The following ATXN7L1 variants were observed in gnomAD, a reference collection of about 807,000 sequenced individuals.
The protein encoded by ATXN7L1 is ataxin-7-like protein 1.
A neutral mutation model predicts 70.8 loss-of-function variants in ATXN7L1; 15 were observed. The observed-to-expected ratio is 0.21, with a 90% CI of 0.14 to 0.33. The LOEUF (loss-of-function observed/expected upper bound fraction) is 0.33. Among genes scored for constraint, ATXN7L1 ranks in the 10% least tolerant of loss-of-function variants. ATXN7L1 has a pLI of 1.00. For missense variants in ATXN7L1, 975 were observed against 1,097.1 expected (o/e 0.89, Z 1.57); for synonymous variants, 440 against 445.1 (o/e 0.99, Z 0.14).
At chr7:105,739,674 T>C (rs1211461017) in intron 3 of ATXN7L1, among the ~76,000 whole-genome samples, 1 of 152,212 alleles carries the variant, frequency 6.6e-6, no homozygotes, top group Non-Finnish European at 1.5e-5. Context: ...GATCAGAGGT[T>C]CATGAAACTC....
At chr7:105,714,920 C>T (rs1220792943) in intron 3 of ATXN7L1, among the ~76,000 whole-genome samples, 1 of 152,118 alleles carries the variant, frequency 6.6e-6, no homozygotes, top group Admixed American at 6.5e-5. Flanking sequence ...CTGCCTCAGC[C>T]CCACTGGATA....
intron 3 of ATXN7L1, among the ~76,000 whole-genome samples, chr7:105,733,943 TC>T (rs1797096999): frequency 6.7e-6 from 1 of 148,936 alleles, no homozygotes; most frequent in African/African-American, 2.5e-5. Context: ...CATCCATCCA[TC>T]CATCCATCCA....
At chr7:105,748,396 C>T (rs1798824296) in intron 3 of ATXN7L1, among the ~76,000 whole-genome samples, 1 of 152,144 alleles carries the variant, frequency 6.6e-6, no homozygotes, top group Non-Finnish European at 1.5e-5. Flanking sequence ...TCCCGAGTTG[C>T]TCTACTGCAA....
intron 3 of ATXN7L1, among the ~76,000 whole-genome samples, chr7:105,739,224 C>T (rs147854652): frequency 2.0e-5 from 3 of 152,298 alleles, no homozygotes; most frequent in East Asian, 1.9e-4. Context: ...CCATTAATCA[C>T]GCTTTTTGCC....
chr7:105,749,559 G>A (rs1049571153), intron 3 of ATXN7L1, among the ~76,000 whole-genome samples: 2 of 151,402 alleles, frequency 1.3e-5, no homozygotes, highest in African/African-American at 4.8e-5. Context: ...AGGAGGCAGA[G>A]GTTGCAGTGA....
chr7:105,788,269 G>T (rs1804616165), intron 3 of ATXN7L1: 2 of 240,968 alleles, frequency 8.3e-6, no homozygotes, highest in Non-Finnish European at 1.7e-5. Flanking sequence ...GGGAGAAAAT[G>T]TCTGGCTGCA....
intron 3 of ATXN7L1, among the ~76,000 whole-genome samples, chr7:105,774,500 T>C (rs557958438): frequency 2.1e-3 from 312 of 152,076 alleles, no homozygotes; most frequent in African/African-American, 7.2e-3. Context: ...AACAGATGTG[T>C]GCTACCACAC....
At chr7:105,794,426 C>T (rs1040584588) in intron 2 of ATXN7L1, among the ~76,000 whole-genome samples, 14 of 152,180 alleles carry the variant, frequency 9.2e-5, no homozygotes, top group Non-Finnish European at 1.5e-4. Context: ...AGTATTTACA[C>T]GATGGAAATC....
At chr7:105,682,376 T>C (rs969510123) in intron 3 of ATXN7L1, among the ~76,000 whole-genome samples, 4 of 152,244 alleles carry the variant, frequency 2.6e-5, no homozygotes, top group South Asian at 2.1e-4. Flanking sequence ...AATTTTTTAA[T>C]AAAAAAGTTA....
At chr7:105,651,416 C>A (rs779881002) in intron 4 of ATXN7L1, among the ~76,000 whole-genome samples, 42 of 152,200 alleles carry the variant, frequency 2.8e-4, no homozygotes, top group Non-Finnish European at 5.4e-4. Context: ...TCCACCGATA[C>A]TTGAAAGGTA....
Position 105,624,106 on chromosome 7 carries a change from T to G in ATXN7L1, c.1364A>C (p.Gln455Pro). 3.3e-6 allele frequency: 5 copies of G among 1,506,402 alleles called. No homozygotes were observed. Among genetic ancestry groups the G allele is most frequent in the Non-Finnish European group, 3.6e-6 (4 of 1,120,954 alleles). 93.3% of individuals were successfully genotyped at this position (1,506,402 alleles called of 1,614,324 possible). ...AGGTCTGGGGTGGTGCGTGGAGAAC[T>G]GACAGTCTAGCTTCTCGGATTCGTC... ...GADESEKLDC[Q>P]FSTHHPRPLA... The change falls in exon 8 of 12, where the codon CAG becomes CCG. Residue 455 changes from glutamine to proline, a missense_variant. Gln to Pro is a moderately conservative substitution (Grantham distance 76). This residue lies in a region of ATXN7L1 where 635 missense variants were observed against 699.4 expected (regional missense o/e 0.91). Transcript: ENST00000419735.
intron 3 of ATXN7L1, among the ~76,000 whole-genome samples, chr7:105,701,806 G>C (rs1376747678): frequency 1.3e-5 from 2 of 152,206 alleles, no homozygotes; most frequent in African/African-American, 4.8e-5. Flanking sequence ...CTGGGCTCAA[G>C]TGATCCTCCT....
At position 105,655,454 on chromosome 7, in the gene ATXN7L1, A is replaced by T. The variant is rs1329628756; in HGVS notation, c.578+9612T>A. The stretch of plus-strand genomic sequence containing the variant: ...CACTCTGGGGGGGTGTGTGGGGTGG[A>T]CAGGAGGATGGGCAGAGTGAGGGGC... On this transcript the variant is annotated intron_variant, in intron 4 of 11. Transcript: ENST00000419735. 9.2e-5 allele frequency among the ~76,000 whole-genome samples: 14 copies of T among 152,244 alleles called. No individual in the cohort carries two copies. The East Asian group carries it at 2.3e-3, about 25-fold the overall frequency.
chr7:105,607,826 G>T lies in ATXN7L1; in HGVS notation c.*26C>A, dbSNP rs762312679. Reference sequence around the variant, plus strand: ...GGATGGGATTAGGTGGCCTGGAATTGATGTGGAAGTGGCTTCATAGTCTTG... The same window carrying T: ...GGATGGGATTAGGTGGCCTGGAATTTATGTGGAAGTGGCTTCATAGTCTTG... On this transcript the variant is annotated 3_prime_UTR_variant, in exon 12 of 12. Transcript: ENST00000419735. 9.4e-5 allele frequency: 146 copies of T among 1,548,818 alleles called. No individual in the cohort carries two copies. The highest frequency in any genetic ancestry group is 2.6e-4 in the Admixed American group (13 of 50,980).
chr7:105,816,447 G>T (rs755790352), intron 2 of ATXN7L1, among the ~76,000 whole-genome samples: 3 of 152,180 alleles, frequency 2.0e-5, no homozygotes, highest in Non-Finnish European at 2.9e-5. Context: ...GAGAGGTTAG[G>T]GTGGAGGAGG....
At chr7:105,690,652 A>T (rs1185558036) in intron 3 of ATXN7L1, among the ~76,000 whole-genome samples, 1 of 152,238 alleles carries the variant, frequency 6.6e-6, no homozygotes, top group East Asian at 1.9e-4. Context: ...CTCCCGGACC[A>T]TTAGACTGGG....
Position 105,733,626 on chromosome 7 carries a change from CCATCCACCCAT to C in ATXN7L1, c.355+54967_355+54977del, listed in dbSNP as rs1487624418. 3.7e-4 allele frequency among the ~76,000 whole-genome samples: 52 copies of C among 139,748 alleles called. 1 individual carries two copies. Among genetic ancestry groups the C allele is most frequent in the Non-Finnish European group, 7.2e-4 (46 of 63,984 alleles). 91.7% of individuals were successfully genotyped at this position (139,748 alleles called of 152,430 possible). A position where few individuals can be genotyped will look rare whatever the true frequency, so the allele number is the denominator to read the frequency against. On this transcript the variant is annotated intron_variant, in intron 3 of 11. Coordinates refer to ENST00000419735, the MANE Select transcript of ATXN7L1 (RefSeq NM_020725.2). ...TCCACCCATCCATCCATCCATCCAT[CCATCCACCCAT>C]CCATCCATCCATCCATCCATCCATC...
At chr7:105,710,847 A>G (rs1338938174) in intron 3 of ATXN7L1, among the ~76,000 whole-genome samples, 2 of 152,142 alleles carry the variant, frequency 1.3e-5, no homozygotes, top group Non-Finnish European at 2.9e-5. Flanking sequence ...ATAAAGACAT[A>G]CCCGAGACTG....
intron 3 of ATXN7L1, among the ~76,000 whole-genome samples, chr7:105,692,905 G>A (rs888499900): frequency 7.3e-5 from 11 of 151,562 alleles, no homozygotes; most frequent in Admixed American, 2.0e-4. Context: ...TAAATCTTTT[G>A]TAGACACGGA....
Sources: allele counts gnomAD v4.1 joint callset (sites outside exome capture counted in the v4.1 genomes callset), GRCh38; gene constraint gnomAD v4.1.1; regional missense constraint gnomAD v4.1.1; transcripts MANE v1.5; gene names NCBI Gene and HGNC (gene_info 2026-07-23, HGNC 2026-07-21).